Variants in GALK2 observed in about 807,000 individuals in gnomAD.
The protein encoded by GALK2 is N-acetylgalactosamine kinase.
A neutral mutation model predicts 52.4 loss-of-function variants in GALK2; 36 were observed. The ratio of observed to expected loss-of-function variants is 0.69; its 90% CI spans 0.53 to 0.91. The LOEUF is 0.91. GALK2 is among the 40% of genes least tolerant of loss of function. The pLI, the probability that GALK2 is intolerant of heterozygous loss-of-function variation, is 0.00. For missense variants in GALK2, 579 were observed against 559.1 expected (o/e 1.04, Z -0.36); for synonymous variants, 176 against 199.1 (o/e 0.88, Z 0.98).
chr15:49,208,767 T>C (rs926272121), intron 2 of GALK2, among the ~76,000 whole-genome samples: 3 of 152,200 alleles, frequency 2.0e-5, no homozygotes, highest in Admixed American at 2.0e-4. Flanking sequence ...AGTCCCCCAC[T>C]ATTATTGTGT....
intron 1 of GALK2, among the ~76,000 whole-genome samples, chr15:49,200,899 A>G (rs770620571): frequency 4.6e-5 from 7 of 152,312 alleles, no homozygotes; most frequent in Non-Finnish European, 8.8e-5. Context: ...GGGTATATCA[A>G]TCTTAACTTT....
chr15:49,308,375 C>G (rs1044632448), intron 8 of GALK2, among the ~76,000 whole-genome samples: 1 of 152,170 alleles, frequency 6.6e-6, no homozygotes, highest in African/African-American at 2.4e-5. Context: ...GCCCCTCACT[C>G]AAACAGTGGG....
At chr15:49,216,017 C>T (rs919249852) in intron 2 of GALK2, among the ~76,000 whole-genome samples, 3 of 152,164 alleles carry the variant, frequency 2.0e-5, no homozygotes, top group Admixed American at 6.5e-5. Flanking sequence ...ACTGCCTTGA[C>T]GAGTTTGGGT....
chr15:49,333,508 C>G (rs924782031), downstream of GALK2, among the ~76,000 whole-genome samples: 2 of 152,116 alleles, frequency 1.3e-5, no homozygotes, highest in African/African-American at 4.8e-5. Flanking sequence ...TTTTTGGAAA[C>G]TTGTAAGAGT....
intron 5 of GALK2, among the ~76,000 whole-genome samples, chr15:49,269,508 G>A (rs147217840): frequency 6.6e-6 from 1 of 152,262 alleles, no homozygotes; most frequent in African/African-American, 2.4e-5. Flanking sequence ...CTCCTATTTT[G>A]CAAAGAGCAA....
chr15:49,347,879 C>T (rs746497545), intron 3 of GALK2, among the ~76,000 whole-genome samples: 12 of 151,766 alleles, frequency 7.9e-5, no homozygotes, highest in South Asian at 2.1e-4. Flanking sequence ...ATTAGCTGGG[C>T]GTGGTGGCAG....
chr15:49,184,707 AC>A (rs2086222719), intron 1 of GALK2, among the ~76,000 whole-genome samples: 1 of 152,224 alleles, frequency 6.6e-6, no homozygotes, highest in African/African-American at 2.4e-5. Flanking sequence ...TGATATTAAC[AC>A]CAATTACAAA....
intron 3 of GALK2, among the ~76,000 whole-genome samples, chr15:49,233,711 A>G (rs2090633151): frequency 6.6e-6 from 1 of 152,220 alleles, no homozygotes; most frequent in South Asian, 2.1e-4. Context: ...GTGACAGTAG[A>G]GTAAAATTCT....
rs146886423 is a variant in GALK2 at position 49,230,288 on chromosome 15, G to A, written c.267-5563G>A. On this transcript the variant is annotated intron_variant, in intron 3 of 9. Coordinates refer to ENST00000560031, the MANE Select transcript of GALK2 (RefSeq NM_002044.4). The stretch of plus-strand genomic sequence containing the variant: ...TTTCCAAGTAGTTCCTCTGTCAGTC[G>A]CATGGTCCTAAAGGGTTGAGGCGCT... Among the ~76,000 whole-genome samples, 973 of 152,220 alleles carry A rather than the reference G, an allele frequency of 6.4e-3. 4 individuals carry two copies. The highest frequency in any genetic ancestry group is 9.1e-3 in the Non-Finnish European group (622 of 68,004).
At chr15:49,238,808 G>T (rs2090957046) in intron 4 of GALK2, among the ~76,000 whole-genome samples, 1 of 152,134 alleles carries the variant, frequency 6.6e-6, no homozygotes, top group Admixed American at 6.5e-5. Context: ...GAGTTGTGCT[G>T]CATGGAGATT....
intron 3 of GALK2, among the ~76,000 whole-genome samples, chr15:49,228,409 C>G (rs932726269): frequency 1.3e-5 from 2 of 151,024 alleles, no homozygotes; most frequent in African/African-American, 2.4e-5. Flanking sequence ...TTTTCATTCT[C>G]TCTTATCATT....
intron 1 of GALK2, chr15:49,156,366 A>G: frequency 2.4e-6 from 1 of 410,232 alleles, no homozygotes; most frequent in Non-Finnish European, 4.7e-6. Context: ...GAATTTCAAG[A>G]GAACCGAGCG....
At chr15:49,208,313 C>T (rs187811204) in intron 2 of GALK2, among the ~76,000 whole-genome samples, 1 of 152,304 alleles carries the variant, frequency 6.6e-6, no homozygotes, top group East Asian at 1.9e-4. Flanking sequence ...CCTCTTAGCA[C>T]TGCCTTAGCT....
At chr15:49,325,577 T>C (rs1471824500) in intron 9 of GALK2, among the ~76,000 whole-genome samples, 1 of 152,264 alleles carries the variant, frequency 6.6e-6, no homozygotes, top group African/African-American at 2.4e-5. Flanking sequence ...CAGGGAACAC[T>C]GCAGACAGAC....
At chr15:49,207,305 G>T (rs1047671762) in intron 2 of GALK2, among the ~76,000 whole-genome samples, 1 of 152,036 alleles carries the variant, frequency 6.6e-6, no homozygotes, top group African/African-American at 2.4e-5. Flanking sequence ...TTTCTTTCTT[G>T]GTTATGTCCT....
chr15:49,358,856 A>G (rs1465308696), intron 3 of GALK2, among the ~76,000 whole-genome samples: 4 of 151,602 alleles, frequency 2.6e-5, no homozygotes, highest in Admixed American at 1.3e-4. Flanking sequence ...GGCTACAGTA[A>G]CCAAAACAGC....
At position 49,177,051 on chromosome 15, in the gene GALK2, T is replaced by G. The variant is rs948104662; in HGVS notation, c.53+6676T>G. 2.6e-5 allele frequency among the ~76,000 whole-genome samples: 4 copies of G among 152,174 alleles called. No homozygotes were observed. The South Asian group carries it at 8.3e-4, about 32-fold the overall frequency. On this transcript the variant is annotated intron_variant, in intron 1 of 9. Transcript: ENST00000560031. ...CTAGAAAAATCAGCCATTTAAAAAT[T>G]TTTAAATCTTTTTAAAATTTATGTT...
At chr15:49,193,522 G>A (rs1199026880) in intron 1 of GALK2, among the ~76,000 whole-genome samples, 1 of 151,716 alleles carries the variant, frequency 6.6e-6, no homozygotes, top group African/African-American at 2.4e-5. Flanking sequence ...TCTATTTTGA[G>A]TCATATTAGA....
At chr15:49,281,242 A>T (rs186641597) in intron 5 of GALK2, among the ~76,000 whole-genome samples, 104 of 152,344 alleles carry the variant, frequency 6.8e-4, no homozygotes, top group African/African-American at 2.5e-3. Context: ...GACAGGAAGT[A>T]ATACCAAGTT....
Sources: gnomAD v4.1 joint callset for allele counts (sites outside exome capture counted in the v4.1 genomes callset) on GRCh38, gnomAD v4.1.1 for gene constraint, MANE v1.5 for transcripts, NCBI Gene and HGNC (gene_info 2026-07-23, HGNC 2026-07-21) for gene names.